Variants in ZNF714 observed in about 807,000 individuals in gnomAD.
ZNF714 encodes zinc finger protein 714.
ZNF714 carries 32 observed loss-of-function variants against 46.2 expected under a neutral mutation model. That is an observed-to-expected ratio of 0.69 (90% CI 0.52 to 0.93). The LOEUF is 0.93. Among genes scored for constraint, ZNF714 ranks in the 40% least tolerant of loss-of-function variants. The pLI, the probability that ZNF714 is intolerant of heterozygous loss-of-function variation, is 0.00. For synonymous variants in ZNF714, 199 were observed against 213.1 expected, an observed-to-expected ratio of 0.93 and a Z score of 0.58; for missense variants, 635 against 646.3, an observed-to-expected ratio of 0.98 and a Z score of 0.19.
Position 21,123,151 on chromosome 19 carries a change from C to CAAAAAAAAA in ZNF714, c.*4830_*4838dup, listed in dbSNP as rs34326769. ...CCTGGACAAGAGCAAAACTCTGTCT[C>CAAAAAAAAA]AAAAAAAAAAAAAAAAAAAGATTAA... is the stretch of plus-strand genomic sequence containing the variant. On this transcript the variant is annotated 3_prime_UTR_variant, in exon 5 of 5. Transcript: ENST00000456283. 2 of 105,986 alleles carry CAAAAAAAAA rather than the reference C, an allele frequency of 1.9e-5. No individual in the cohort carries two copies. Among genetic ancestry groups the CAAAAAAAAA allele is most frequent in the Non-Finnish European group, 1.8e-5 (1 of 55,106 alleles). 6.6% of individuals were successfully genotyped at this position (105,986 alleles called of 1,614,324 possible). A position where few individuals can be genotyped will look rare whatever the true frequency, so the allele number is the denominator to read the frequency against.
intron 4 of ZNF714, among the ~76,000 whole-genome samples, chr19:21,110,123 C>A (rs1041384714): frequency 6.6e-6 from 1 of 152,090 alleles, no homozygotes; most frequent in African/African-American, 2.4e-5. Flanking sequence ...ATAATGGGAT[C>A]GTTGGGTCCA....
At chr19:21,092,312 ATT>A (rs1317902405) in intron 2 of ZNF714, among the ~76,000 whole-genome samples, 2 of 152,208 alleles carry the variant, frequency 1.3e-5, no homozygotes, top group Admixed American at 1.3e-4. Flanking sequence ...ACCCTCAGGA[ATT>A]TCACCACAGC....
In ZNF714 at chr19:21,084,054, C is replaced by CTCTT. The variant is rs959049512; in HGVS notation, c.-99_-96dup. ...GGGCAGAGAGGAAGCTTCTAGTGTACTCTTACTTTGAAAAGGTAATCAGAT... is the reference window on the plus strand; with the variant it reads ...GGGCAGAGAGGAAGCTTCTAGTGTACTCTTTCTTACTTTGAAAAGGTAATCAGAT... On this transcript the variant is annotated 5_prime_UTR_variant, in exon 2 of 5. Coordinates refer to ENST00000456283, the MANE Select transcript of ZNF714 (RefSeq NM_182515.4). 2.5e-6 allele frequency: 3 copies of CTCTT among 1,179,628 alleles called. No individual in the cohort carries two copies. In the African/African-American group the frequency reaches 5.0e-5, roughly 20 times the overall value. 73.1% of individuals were successfully genotyped at this position (1,179,628 alleles called of 1,614,324 possible). A position where few individuals can be genotyped will look rare whatever the true frequency, so the allele number is the denominator to read the frequency against.
Position 21,095,810 on chromosome 19 carries a change from G to A in ZNF714, c.-84-2375G>A, listed in dbSNP as rs143518052. Among the ~76,000 whole-genome samples, 249 of 152,130 alleles carry A rather than the reference G, an allele frequency of 1.6e-3. 2 individuals carry two copies. Among genetic ancestry groups the A allele is most frequent in the African/African-American group, 5.7e-3 (235 of 41,472 alleles). On this transcript the variant is annotated intron_variant, in intron 2 of 4. Transcript: ENST00000456283. ...TTTTTCTCAATCCTTTGACTCCACCGGACTTTGTCACCCCCACGACCTGAT... is the reference window on the plus strand; with the variant it reads ...TTTTTCTCAATCCTTTGACTCCACCAGACTTTGTCACCCCCACGACCTGAT...
Position 21,121,167 on chromosome 19 carries a change from G to A in ZNF714, c.*2835G>A, listed in dbSNP as rs1969698236. The A allele has an allele frequency of 6.6e-6, 1 of 152,126 alleles. No individual in the cohort carries two copies. The highest frequency in any genetic ancestry group is 6.6e-5 in the Admixed American group (1 of 15,254). 9.4% of individuals were successfully genotyped at this position (152,126 alleles called of 1,614,324 possible). A position where few individuals can be genotyped will look rare whatever the true frequency, so the allele number is the denominator to read the frequency against. On this transcript the variant is annotated 3_prime_UTR_variant, in exon 5 of 5. Transcript: ENST00000456283. ...CTGCCTCAGCCTCCCAAGCAGCTAG[G>A]ACTACAGGCGCCCACCACCATGCCC...
intron 4 of ZNF714, among the ~76,000 whole-genome samples, chr19:21,110,376 G>A (rs1316093202): frequency 6.6e-6 from 1 of 151,764 alleles, no homozygotes; most frequent in African/African-American, 2.4e-5. Context: ...ATGTTTTATT[G>A]GCCACATAAA....
intron 2 of ZNF714, among the ~76,000 whole-genome samples, chr19:21,093,182 G>T (rs1309322588): frequency 6.6e-6 from 1 of 151,998 alleles, no homozygotes; most frequent in Non-Finnish European, 1.5e-5. Flanking sequence ...GGGATTACAG[G>T]CGTGAGCCAC....
In ZNF714 at chr19:21,088,178, A is replaced by G. The variant is rs143805007; in HGVS notation, c.-85+4109A>G. ...CTTTAAGAGGCCTAGTAACCTTTAA[A>G]TTGTACAACATTTCTTGCATAAATT... is the stretch of plus-strand genomic sequence containing the variant. On this transcript the variant is annotated intron_variant, in intron 2 of 4. Transcript: ENST00000456283. 1.6e-3 allele frequency among the ~76,000 whole-genome samples: 248 copies of G among 152,316 alleles called. 2 individuals carry two copies. Among genetic ancestry groups the G allele is most frequent in the African/African-American group, 5.7e-3 (235 of 41,578 alleles).
rs1396960680 is a variant in ZNF714 at position 21,117,834 on chromosome 19, T to TA, written c.1170_1171insA (p.His391ThrfsTer10). 1 of 1,612,186 alleles carries TA rather than the reference T, an allele frequency of 6.2e-7. No individual in the cohort carries two copies. Among genetic ancestry groups the TA allele is most frequent in the South Asian group, 1.1e-5 (1 of 91,070 alleles). On this transcript the variant is annotated frameshift_variant, in exon 5 of 5. Coordinates refer to ENST00000456283, the MANE Select transcript of ZNF714 (RefSeq NM_182515.4). LOFTEE classifies it high-confidence loss of function. ...CAAAACTTACTATACATAAGATAAT[T>TA]CATACTGGAGAGAAACCTTACAAAT...
At chr19:21,100,076 G>C (rs891099556) in intron 4 of ZNF714, among the ~76,000 whole-genome samples, 3 of 151,916 alleles carry the variant, frequency 2.0e-5, no homozygotes, top group African/African-American at 7.3e-5. Flanking sequence ...GGCTGGTCTC[G>C]ATCTCCTGAC....
At chr19:21,083,921 G>T (rs1306292979) in intron 1 of ZNF714, 57 bp from the exon 2 acceptor site, 2 of 971,176 alleles carry the variant, frequency 2.1e-6, no homozygotes, top group Non-Finnish European at 2.7e-6. Flanking sequence ...ATCCACCATG[G>T]TTATGTCAGC....
intron 4 of ZNF714, among the ~76,000 whole-genome samples, chr19:21,112,763 C>G (rs900147300): frequency 7.2e-6 from 1 of 139,394 alleles, no homozygotes. Flanking sequence ...GCCAGAGATT[C>G]TGGTACATTG....
chr19:21,118,285 C>A lies in ZNF714; in HGVS notation c.1621C>A (p.Leu541Ile). ...TGGCCAACATGGTAAAACCCCATCTCTACTAAAAATACAAAAATTTGCTGG... is the reference window on the plus strand; with the variant it reads ...TGGCCAACATGGTAAAACCCCATCTATACTAAAAATACAAAAATTTGCTGG... ...QPGQHGKTPS[L>I]LKIQKFAGCG... The change falls in exon 5 of 5, where the codon CTA (leucine) becomes ATA (isoleucine). Residue 541 changes from leucine (L) to isoleucine (I), a missense_variant. Physicochemically the swap from Leu to Ile is conservative, Grantham distance 5. Coordinates refer to ENST00000456283, the MANE Select transcript of ZNF714 (RefSeq NM_182515.4). The A allele has an allele frequency of 7.9e-7, 1 of 1,265,554 alleles. No homozygotes were observed. The highest frequency in any genetic ancestry group is 1.1e-6 in the Non-Finnish European group (1 of 916,222). 78.4% of individuals were successfully genotyped at this position (1,265,554 alleles called of 1,614,324 possible). A position where few individuals can be genotyped will look rare whatever the true frequency, so the allele number is the denominator to read the frequency against.
At position 21,110,720 on chromosome 19, in the gene ZNF714, G is replaced by A. The variant is rs186059053; in HGVS notation, c.143-6087G>A. On this transcript the variant is annotated intron_variant, in intron 4 of 4. Coordinates refer to ENST00000456283, the MANE Select transcript of ZNF714 (RefSeq NM_182515.4). ...TATTTTAGGGTTCTTGTAGTTTTGG[G>A]TTTCAAATTTAAGTTTTCAATTCAT... Among the ~76,000 whole-genome samples, 243 of 152,240 alleles carry A rather than the reference G, an allele frequency of 1.6e-3. 2 individuals are homozygous for A. The highest frequency in any genetic ancestry group is 2.5e-3 in the East Asian group (13 of 5,184).
At chr19:21,100,546 G>T (rs1969153508) in intron 4 of ZNF714, among the ~76,000 whole-genome samples, 2 of 151,724 alleles carry the variant, frequency 1.3e-5, no homozygotes, top group Admixed American at 6.6e-5. Context: ...AAAACAAAAA[G>T]ATTTTTTACC....
At chr19:21,093,238 A>T (rs1968960504) in intron 2 of ZNF714, among the ~76,000 whole-genome samples, 1 of 146,374 alleles carries the variant, frequency 6.8e-6, no homozygotes, top group South Asian at 2.2e-4. Context: ...TGTTTAATTT[A>T]TTTATTTTTT....
rs1969640190 is a variant in ZNF714 at position 21,117,966 on chromosome 19, T to C, written c.1302T>C (p.Phe434=). Reference sequence around the variant, plus strand: ...AATGTGAAGAATGTGGCAAAGCTTTTAACCGATCCTCAAACCTTACTACAC... The same window carrying C: ...AATGTGAAGAATGTGGCAAAGCTTTCAACCGATCCTCAAACCTTACTACAC... The part of the protein sequence containing the change: ...LYKCEECGKA[F]NRSSNLTTHK... The change falls in exon 5 of 5, where the codon TTT becomes TTC. Residue 434 remains phenylalanine (F), a synonymous_variant. Coordinates refer to ENST00000456283, the MANE Select transcript of ZNF714 (RefSeq NM_182515.4). 6.2e-7 allele frequency: 1 copy of C among 1,613,414 alleles called. No homozygotes were observed. The highest frequency in any genetic ancestry group is 8.5e-7 in the Non-Finnish European group (1 of 1,179,868).
At chr19:21,083,506 C>T (rs763647164) in intron 1 of ZNF714, among the ~76,000 whole-genome samples, 2 of 152,206 alleles carry the variant, frequency 1.3e-5, no homozygotes, top group African/African-American at 2.4e-5. Context: ...CAGCCTCACT[C>T]TGGCTTGCAG....
In ZNF714 at chr19:21,083,987, A is replaced by C; in HGVS notation, c.-167A>C. The C allele has an allele frequency of 7.7e-7, 1 of 1,292,030 alleles. No homozygotes were observed. The allele number at this position is 1,292,030 out of a possible 1,614,324, so 80.0% of individuals were successfully genotyped here. A position where few individuals can be genotyped will look rare whatever the true frequency, so the allele number is the denominator to read the frequency against. ...TTATTTTCTTCCATAGGGCGACCTG[A>C]GGTCTGGAGTGTATCCTCTCAAGGG... On this transcript the variant is annotated 5_prime_UTR_variant, in exon 2 of 5. Coordinates refer to ENST00000456283, the MANE Select transcript of ZNF714 (RefSeq NM_182515.4).
Sources: allele counts gnomAD v4.1 joint callset (sites outside exome capture counted in the v4.1 genomes callset), GRCh38; gene constraint gnomAD v4.1.1; transcripts MANE v1.5; gene names NCBI Gene and HGNC (gene_info 2026-07-23, HGNC 2026-07-21).